Variants in PRKN observed in about 807,000 individuals in gnomAD.
PRKN encodes the protein parkin RBR E3 ubiquitin protein ligase.
Under a neutral mutation model 59.5 loss-of-function variants are expected in PRKN, and 56 were observed. The observed-to-expected ratio is 0.94, with a 90% CI of 0.76 to 1.18. PRKN has a LOEUF of 1.18. PRKN is among the 50% of genes most tolerant of loss of function. The probability of loss-of-function intolerance (pLI) is 0.00; values close to 1 mark genes in which losing one functional copy is unlikely to be tolerated. For missense variants in PRKN, 657 were observed against 596.4 expected (o/e 1.10, Z -1.06); for synonymous variants, 250 against 222.1 (o/e 1.13, Z -1.12).
At chr6:161,927,636 T>C (rs7775183) in intron 6 of PRKN, among the ~76,000 whole-genome samples, 7,477 of 152,220 alleles carry the variant, frequency 0.049, 585 homozygotes, top group African/African-American at 0.17. Flanking sequence ...ATTTCATCTT[T>C]AATGGAAATG....
intron 7 of PRKN, among the ~76,000 whole-genome samples, chr6:161,660,578 A>C (rs1784506830): frequency 6.6e-6 from 1 of 152,150 alleles, no homozygotes; most frequent in South Asian, 2.1e-4. Flanking sequence ...AAGGAGTCTG[A>C]TTGTGAACAA....
At chr6:161,692,152 C>T (rs564891045) in intron 7 of PRKN, among the ~76,000 whole-genome samples, 4 of 152,112 alleles carry the variant, frequency 2.6e-5, no homozygotes, top group Non-Finnish European at 5.9e-5. Flanking sequence ...CAAACACTGA[C>T]GCCAAATTTG....
At chr6:161,652,505 T>C (rs1466543043) in intron 7 of PRKN, among the ~76,000 whole-genome samples, 1 of 152,254 alleles carries the variant, frequency 6.6e-6, no homozygotes, top group Non-Finnish European at 1.5e-5. Flanking sequence ...TAGGGGTTTA[T>C]GTTGCTTTAA....
intron 7 of PRKN, among the ~76,000 whole-genome samples, chr6:161,749,251 G>C (rs1301557761): frequency 1.3e-5 from 2 of 152,222 alleles, no homozygotes; most frequent in African/African-American, 4.8e-5. Context: ...GGGAGAAGCT[G>C]TGTCACATCT....
intron 1 of PRKN, among the ~76,000 whole-genome samples, chr6:162,450,912 T>C (rs1426918572): frequency 1.3e-5 from 2 of 152,178 alleles, no homozygotes; most frequent in African/African-American, 4.8e-5. Context: ...ATAACAGATG[T>C]AGTATAACAA....
At chr6:161,981,780 T>A (rs901314094) in intron 5 of PRKN, among the ~76,000 whole-genome samples, 1 of 152,194 alleles carries the variant, frequency 6.6e-6, no homozygotes, top group African/African-American at 2.4e-5. Context: ...TACACTTTGT[T>A]AAATTAACAA....
rs771855004 is a variant in PRKN, at chr6:161,561,980, C to T, written c.933+7375G>A. Among the ~76,000 whole-genome samples, 7 of 152,170 alleles carry T rather than the reference C, an allele frequency of 4.6e-5. No homozygotes were observed. The highest frequency in any genetic ancestry group is 5.9e-5 in the Non-Finnish European group (4 of 68,036). On this transcript the variant is annotated intron_variant, in intron 8 of 11. Transcript: ENST00000366898. The surrounding 1 kb of genome is among the most constrained non-coding windows in gnomAD (Gnocchi z 5.0). ...GTCACAGGCGAAGGACGCTCCCTGA[C>T]CTCATCTTCTGCAAACTCTCAGTAG...
intron 2 of PRKN, among the ~76,000 whole-genome samples, chr6:162,429,296 G>T (rs1789394591): frequency 6.6e-6 from 1 of 152,124 alleles, no homozygotes; most frequent in Non-Finnish European, 1.5e-5. Context: ...CTGACTAAAA[G>T]CATTAATAAC....
intron 2 of PRKN, among the ~76,000 whole-genome samples, chr6:162,389,016 AAAAAAAAAC>A (rs1787016458): frequency 1.3e-5 from 2 of 151,158 alleles, no homozygotes; most frequent in Non-Finnish European, 2.9e-5. Flanking sequence ...AGAAAAAAAA[AAAAAAAAAC>A]AAAAAAACCT....
At chr6:162,536,565 A>T (rs1191470207) in intron 1 of PRKN, among the ~76,000 whole-genome samples, 1 of 151,454 alleles carries the variant, frequency 6.6e-6, no homozygotes, top group Non-Finnish European at 1.5e-5. Context: ...TAGGGATTCC[A>T]CTGTGCTATC....
chr6:162,666,500 C>A (rs1234238816), intron 1 of PRKN, among the ~76,000 whole-genome samples: 2 of 151,904 alleles, frequency 1.3e-5, no homozygotes, highest in African/African-American at 4.8e-5. Flanking sequence ...AGATATTAGT[C>A]CTAGGAGAGC....
chr6:162,537,369 T>C (rs1322390947), intron 1 of PRKN, among the ~76,000 whole-genome samples: 1 of 152,162 alleles, frequency 6.6e-6, no homozygotes, highest in Non-Finnish European at 1.5e-5. Context: ...TGTTCCCGCT[T>C]CTTTGCTCAG....
chr6:162,179,839 GCAGCAAA>G (rs1323847457), intron 4 of PRKN, among the ~76,000 whole-genome samples: 1 of 152,054 alleles, frequency 6.6e-6, no homozygotes, highest in African/African-American at 2.4e-5. Flanking sequence ...ACACTACCAA[GCAGCAAA>G]CAGATAGAGC....
At chr6:161,564,038 A>ATT (rs1272922598) in intron 8 of PRKN, among the ~76,000 whole-genome samples, 2 of 152,210 alleles carry the variant, frequency 1.3e-5, no homozygotes, top group Admixed American at 6.5e-5. Context: ...AACAAAAATG[A>ATT]TTTGTCCAAG....
rs540558547 is a variant in PRKN, at chr6:162,338,092, C to G, written c.172-75327G>C. On this transcript the variant is annotated intron_variant, in intron 2 of 11. Transcript: ENST00000366898. The stretch of plus-strand genomic sequence containing the variant: ...TTTGATAAATAACTCTGTACTAGGA[C>G]AGTGGCCCGGGAGACAGAAGGAGAA... Among the ~76,000 whole-genome samples the G allele has an allele frequency of 2.6e-5, 4 of 152,250 alleles. No individual in the cohort carries two copies. The South Asian group carries it at 8.3e-4, about 32-fold the overall frequency.
In PRKN at chr6:161,527,514, A is replaced by T. The variant is rs1779057863; in HGVS notation, c.1083+21340T>A. Among the ~76,000 whole-genome samples, 1 of 152,176 alleles carries T rather than the reference A, an allele frequency of 6.6e-6. No individual in the cohort carries two copies. On this transcript the variant is annotated intron_variant, in intron 9 of 11. Transcript: ENST00000366898. The surrounding 1 kb of genome is among the most constrained non-coding windows in gnomAD (Gnocchi z 4.6). ...GAGGGGTGCCTTCTAATTCACAGCA[A>T]GATGCCTTCTGCTACCAAGTGCTGT...
intron 5 of PRKN, among the ~76,000 whole-genome samples, chr6:161,993,313 T>A (rs535681055): frequency 2.6e-5 from 4 of 152,220 alleles, no homozygotes; most frequent in Admixed American, 1.3e-4. Context: ...TAGAGACTAT[T>A]ATAAACAACT....
intron 4 of PRKN, among the ~76,000 whole-genome samples, chr6:162,143,363 T>G (rs2128311470): frequency 6.6e-6 from 1 of 152,316 alleles, no homozygotes; most frequent in Admixed American, 6.5e-5. Flanking sequence ...ATGGACTTGA[T>G]GGCTGATGTG....
chr6:162,177,817 A>T (rs1481956310), intron 4 of PRKN, among the ~76,000 whole-genome samples: 1 of 152,158 alleles, frequency 6.6e-6, no homozygotes, highest in Non-Finnish European at 1.5e-5. Context: ...TAAAAAAATA[A>T]ATAAAGAGCC....
Sources: gnomAD v4.1 joint callset for allele counts (sites outside exome capture counted in the v4.1 genomes callset) on GRCh38, gnomAD v4.1.1 for gene constraint, Gnocchi (gnomAD v3.1) non-coding constraint, MANE v1.5 for transcripts, NCBI Gene and HGNC (gene_info 2026-07-23, HGNC 2026-07-21) for gene names.